Variants in CDH13 observed in about 807,000 individuals in gnomAD.
CDH13 encodes the protein cadherin 13, also known as cadherin-13.
CDH13 carries 24 observed loss-of-function variants against 63.8 expected under a neutral mutation model. The ratio of observed to expected loss-of-function variants is 0.38; its 90% confidence interval spans 0.27 to 0.53. CDH13 has a LOEUF of 0.53. CDH13 is among the 20% of genes least tolerant of loss of function. The pLI is 0.85. For missense variants in CDH13, 1,049 were observed against 903.1 expected (o/e 1.16, Z -2.07); for synonymous variants, 503 against 355.3 (o/e 1.42, Z -4.67).
At chr16:83,065,290 C>T (rs982574834) in intron 3 of CDH13, among the ~76,000 whole-genome samples, 3 of 152,114 alleles carry the variant, frequency 2.0e-5, no homozygotes, top group African/African-American at 7.2e-5. Context: ...TGTAGTATTG[C>T]ACAGGTAGGA....
At chr16:83,289,887 C>G (rs2089422774) in intron 5 of CDH13, among the ~76,000 whole-genome samples, 1 of 152,176 alleles carries the variant, frequency 6.6e-6, no homozygotes, top group African/African-American at 2.4e-5. Flanking sequence ...TTTCATCCAG[C>G]TGGATGGATT....
At chr16:83,455,203 A>G (rs2072989117) in intron 6 of CDH13, among the ~76,000 whole-genome samples, 1 of 152,162 alleles carries the variant, frequency 6.6e-6, no homozygotes. Flanking sequence ...CAGAGGGTGG[A>G]TTTTTCATCA....
intron 4 of CDH13, among the ~76,000 whole-genome samples, chr16:83,187,946 C>T (rs918303806): frequency 3.9e-5 from 6 of 152,020 alleles, no homozygotes; most frequent in Non-Finnish European, 8.8e-5. Flanking sequence ...GGCTGAGCAT[C>T]CTCGATAAAA....
At chr16:83,480,437 T>G (rs938190486) in intron 6 of CDH13, among the ~76,000 whole-genome samples, 2 of 148,510 alleles carry the variant, frequency 1.3e-5, no homozygotes, top group Non-Finnish European at 3.0e-5. Flanking sequence ...GCTTTGGTTT[T>G]GCACACCAGG....
intron 10 of CDH13, among the ~76,000 whole-genome samples, chr16:83,715,065 A>G (rs369740352): frequency 1.6e-4 from 24 of 152,158 alleles, no homozygotes; most frequent in African/African-American, 4.1e-4. Context: ...TTTTATTGCT[A>G]TCATTTAGAG....
intron 2 of CDH13, among the ~76,000 whole-genome samples, chr16:82,982,174 G>A (rs1198808563): frequency 6.6e-6 from 1 of 151,958 alleles, no homozygotes; most frequent in Non-Finnish European, 1.5e-5. Flanking sequence ...ATGCTTTGTA[G>A]GAAGGTATAT....
At chr16:82,645,081 G>T (rs750794620) in intron 1 of CDH13, among the ~76,000 whole-genome samples, 9 of 152,126 alleles carry the variant, frequency 5.9e-5, no homozygotes, top group African/African-American at 1.7e-4. Flanking sequence ...GGAAACTCTT[G>T]TACACAGTGG....
intron 11 of CDH13, among the ~76,000 whole-genome samples, chr16:83,754,876 C>A (rs777484057): frequency 2.6e-5 from 4 of 152,060 alleles, no homozygotes; most frequent in Non-Finnish European, 5.9e-5. Flanking sequence ...CTGACTAATA[C>A]AGGAGAGGGA....
chr16:82,964,056 C>T (rs749195762), intron 2 of CDH13, among the ~76,000 whole-genome samples: 1 of 152,140 alleles, frequency 6.6e-6, no homozygotes, highest in African/African-American at 2.4e-5. Context: ...GTGCACAATG[C>T]CGTGACTCTG....
intron 1 of CDH13, among the ~76,000 whole-genome samples, chr16:82,645,274 C>G (rs1167835394): frequency 6.6e-6 from 1 of 152,162 alleles, no homozygotes; most frequent in East Asian, 1.9e-4. Context: ...GCTCAGAAAT[C>G]TGTGTTTCCA....
intron 1 of CDH13, among the ~76,000 whole-genome samples, chr16:82,842,144 A>G (rs1389539167): frequency 4.6e-4 from 11 of 23,972 alleles, no homozygotes; most frequent in African/African-American, 1.8e-3. Flanking sequence ...ATATACACAT[A>G]TATATATATA....
intron 3 of CDH13, among the ~76,000 whole-genome samples, chr16:83,112,390 CAG>C (rs1388368658): frequency 1.3e-5 from 2 of 152,092 alleles, no homozygotes; most frequent in Non-Finnish European, 2.9e-5. Context: ...CACAGAAAGA[CAG>C]AGAGAAAAAG....
intron 4 of CDH13, among the ~76,000 whole-genome samples, chr16:83,183,690 C>T (rs1207037374): frequency 2.6e-5 from 4 of 152,156 alleles, no homozygotes; most frequent in Admixed American, 1.3e-4. Flanking sequence ...TGGGACGGCA[C>T]CTGCCATTGC....
intron 10 of CDH13, among the ~76,000 whole-genome samples, chr16:83,739,702 A>T (rs890985830): frequency 4.6e-5 from 7 of 152,108 alleles, no homozygotes; most frequent in African/African-American, 1.7e-4. Context: ...AGACCTGCCT[A>T]TGGGGGAGGG....
chr16:82,792,860 C>G (rs993646827), intron 1 of CDH13, among the ~76,000 whole-genome samples: 42 of 152,344 alleles, frequency 2.8e-4, no homozygotes, highest in African/African-American at 9.6e-4. Context: ...GTGCCAAGCG[C>G]TAATTGATTT....
At chr16:82,857,131 G>T (rs2039735588) in intron 1 of CDH13, among the ~76,000 whole-genome samples, 1 of 152,210 alleles carries the variant, frequency 6.6e-6, no homozygotes, top group Non-Finnish European at 1.5e-5. Flanking sequence ...GAGTTCCTTT[G>T]AGGACACTTG....
At chr16:83,366,302 G>A (rs1482131631) in intron 6 of CDH13, among the ~76,000 whole-genome samples, 1 of 152,168 alleles carries the variant, frequency 6.6e-6, no homozygotes, top group Non-Finnish European at 1.5e-5. Context: ...TCAGGGACAT[G>A]TTTAGCAACA....
chr16:83,360,506 C>A (rs1463090510), intron 6 of CDH13, among the ~76,000 whole-genome samples: 1 of 151,580 alleles, frequency 6.6e-6, no homozygotes, highest in Non-Finnish European at 1.5e-5. Flanking sequence ...CACATGCAGG[C>A]TTATTGTATG....
chr16:83,450,191 G>A (rs1218389314), intron 6 of CDH13, among the ~76,000 whole-genome samples: 2 of 152,232 alleles, frequency 1.3e-5, no homozygotes, highest in African/African-American at 4.8e-5. Context: ...AGCTCCTGCA[G>A]GGAGGTTGCA....
Sources: gnomAD v4.1 joint callset for allele counts (sites outside exome capture counted in the v4.1 genomes callset) on GRCh38, gnomAD v4.1.1 for gene constraint, MANE v1.5 for transcripts, NCBI Gene and HGNC (gene_info 2026-07-23, HGNC 2026-07-21) for gene names.